The following STAB2 variants were observed in gnomAD, a reference collection of about 807,000 sequenced individuals.
STAB2 encodes stabilin-2.
STAB2 carries 288 observed loss-of-function variants against 338.1 expected under a neutral mutation model. The ratio of observed to expected loss-of-function variants is 0.85; its 90% CI spans 0.77 to 0.94. STAB2 has a LOEUF of 0.94. Among genes scored for constraint, STAB2 ranks in the 40% least tolerant of loss-of-function variants. STAB2 has a pLI of 0.00. For synonymous variants in STAB2, 1,202 were observed against 1,193.3 expected, an observed-to-expected ratio of 1.01 and a Z score of -0.15; for missense variants, 3,141 against 3,210.1, an observed-to-expected ratio of 0.98 and a Z score of 0.52.
At chr12:103,686,834 C>A (rs528040101) in intron 27 of STAB2, among the ~76,000 whole-genome samples, 1 of 152,100 alleles carries the variant, frequency 6.6e-6, no homozygotes, top group South Asian at 2.1e-4. Context: ...GCAGTTTAGC[C>A]GCCACCTCCC....
chr12:103,740,480 A>G (rs1202267881), intron 54 of STAB2, 150 bp from the exon 55 acceptor site: 5 of 989,800 alleles, frequency 5.1e-6, no homozygotes, highest in East Asian at 6.1e-5. Flanking sequence ...TAGGAAAAAT[A>G]TCACCTTGGA....
At chr12:103,688,499 T>C (rs1389573309) in intron 28 of STAB2, among the ~76,000 whole-genome samples, 2 of 152,220 alleles carry the variant, frequency 1.3e-5, no homozygotes, top group African/African-American at 4.8e-5. Flanking sequence ...ACAGGATTCT[T>C]TTTTGTAAGT....
intron 65 of STAB2, among the ~76,000 whole-genome samples, chr12:103,760,074 C>T (rs1221102707): frequency 6.6e-6 from 1 of 152,162 alleles, no homozygotes; most frequent in African/African-American, 2.4e-5. Flanking sequence ...AGATCCATTT[C>T]GTCATCTACT....
Position 103,755,639 on chromosome 12 carries a change from A to C in STAB2, c.6908A>C (p.Tyr2303Ser). 6.2e-7 allele frequency: 1 copy of C among 1,614,126 alleles called. No individual in the cohort carries two copies. Among genetic ancestry groups the C allele is most frequent in the Non-Finnish European group, 8.5e-7 (1 of 1,180,028 alleles). The change falls in exon 63 of 69, where the codon TAT (tyrosine) becomes TCT (serine). Residue 2303 changes from tyrosine (Y) to serine (S), a missense_variant. By Grantham distance (144) the Tyr-to-Ser change is moderately radical. Coordinates refer to ENST00000388887, the MANE Select transcript of STAB2 (RefSeq NM_017564.10). The stretch of plus-strand genomic sequence containing the variant: ...GTGAACTGCACCTGCAAGGTGGGCT[A>C]TGTGGGAGATGGCTTCTCATGCAGT... ...KDVNCTCKVGYVGDGFSCSGN... is the reference protein window; with the variant it reads ...KDVNCTCKVGSVGDGFSCSGN...
intron 11 of STAB2, among the ~76,000 whole-genome samples, chr12:103,652,068 C>T (rs17034268): frequency 0.011 from 1,684 of 152,286 alleles, 32 homozygotes; most frequent in African/African-American, 0.038. Context: ...GTGTTGACTA[C>T]GTAGTAATGA....
Position 103,708,580 on chromosome 12 carries a change from G to C in STAB2, c.4288+44G>C, listed in dbSNP as rs1566034888. On this transcript the variant is annotated intron_variant, in intron 39 of 68. Coordinates refer to ENST00000388887, the MANE Select transcript of STAB2 (RefSeq NM_017564.10). ...GTATTTATAATCTGCTCTAAGCTTT[G>C]CTTCTCAGCAGCTACATTTTTCTTT... 2.6e-6 allele frequency: 4 copies of C among 1,561,556 alleles called. No homozygotes were observed. In the South Asian group the frequency reaches 4.6e-5, roughly 18 times the overall value.
chr12:103,668,618 G>T, intron 19 of STAB2, 25 bp from the exon 20 acceptor site: 1 of 1,549,664 alleles, frequency 6.5e-7, no homozygotes, highest in Non-Finnish European at 8.7e-7. Context: ...TGACTGCCAT[G>T]CTTTCCCTCC....
intron 68 of STAB2, 72 bp from the exon 69 acceptor site, chr12:103,766,214 G>A: frequency 6.3e-7 from 1 of 1,589,648 alleles, no homozygotes; most frequent in Admixed American, 1.7e-5. Context: ...TCAGACCAGT[G>A]GCCACCAGAA....
At chr12:103,676,165 G>A (rs189451258) in intron 24 of STAB2, 144 bp downstream of exon 24, 57 of 524,080 alleles carry the variant, frequency 1.1e-4, no homozygotes, top group Admixed American at 5.2e-4. Flanking sequence ...GGATTCAAGC[G>A]ATTCTCCTGC....
chr12:103,735,440 CCTT>C, intron 51 of STAB2, 48 bp from the exon 52 acceptor site: 1 of 1,419,420 alleles, frequency 7.0e-7, no homozygotes, highest in Non-Finnish European at 9.6e-7. Context: ...TCGGGCCGTC[CCTT>C]CTTCGGCCCA....
rs551872769 is a variant in STAB2 at position 103,666,945 on chromosome 12, G to A, written c.2085+592G>A. 2.0e-5 allele frequency among the ~76,000 whole-genome samples: 3 copies of A among 152,326 alleles called. No individual in the cohort carries two copies. The East Asian group carries it at 5.8e-4, about 29-fold the overall frequency. On this transcript the variant is annotated intron_variant, in intron 19 of 68. Coordinates refer to ENST00000388887, the MANE Select transcript of STAB2 (RefSeq NM_017564.10). ...AAATCATTTCATTTTGCTTTTATCT[G>A]AGAAGCTCCATCTAAAAAGGAAAAC...
At chr12:103,686,425 G>A (rs764921963) in intron 27 of STAB2, among the ~76,000 whole-genome samples, 6 of 152,226 alleles carry the variant, frequency 3.9e-5, no homozygotes, top group South Asian at 2.1e-4. Context: ...CTGCTTTCAC[G>A]ACGTCCCTCT....
intron 3 of STAB2, among the ~76,000 whole-genome samples, chr12:103,601,226 T>C (rs553264933): frequency 6.6e-6 from 1 of 151,926 alleles, no homozygotes; most frequent in East Asian, 1.9e-4. Flanking sequence ...AGGGTCTACA[T>C]TGCTAAAATA....
rs544117341 is a variant in STAB2 at position 103,596,571 on chromosome 12, G to C, written c.331+2061G>C. Among the ~76,000 whole-genome samples the C allele has an allele frequency of 1.2e-4, 18 of 152,240 alleles. No individual in the cohort carries two copies. In the South Asian group the frequency reaches 3.5e-3, roughly 30 times the overall value. ...TGGCAAAGTCTATGACAAAAAGAAG[G>C]AATTTTGTAAGTGTTTAATGAATAA... On this transcript the variant is annotated intron_variant, in intron 3 of 68. Transcript: ENST00000388887.
chr12:103,671,427 G>C (rs1875776480), intron 22 of STAB2, among the ~76,000 whole-genome samples: 1 of 152,006 alleles, frequency 6.6e-6, no homozygotes, highest in Non-Finnish European at 1.5e-5. Context: ...CTCCAGCCTG[G>C]GTGACAGTGA....
intron 34 of STAB2, 109 bp from the exon 35 acceptor site, chr12:103,703,039 A>G: frequency 8.1e-7 from 1 of 1,230,042 alleles, no homozygotes; most frequent in Admixed American, 2.7e-5. Context: ...CTCCAGGTGA[A>G]TATTGTAATA....
chr12:103,725,595 T>A (rs1039860438), intron 45 of STAB2, among the ~76,000 whole-genome samples: 1 of 151,694 alleles, frequency 6.6e-6, no homozygotes, highest in African/African-American at 2.4e-5. Flanking sequence ...TGTGTGTGCA[T>A]GTGTGTACGT....
chr12:103,682,181 G>T (rs976514473), intron 25 of STAB2, among the ~76,000 whole-genome samples: 2 of 151,890 alleles, frequency 1.3e-5, no homozygotes, highest in Non-Finnish European at 1.5e-5. Flanking sequence ...GAAAAGAGGG[G>T]GGTCTCTTTG....
chr12:103,603,108 T>C (rs1285172983), intron 3 of STAB2, among the ~76,000 whole-genome samples: 2 of 152,208 alleles, frequency 1.3e-5, no homozygotes, highest in East Asian at 1.9e-4. Context: ...TCTCGCTCTG[T>C]TGCCCAGGCT....
Sources: gnomAD v4.1 joint callset for allele counts (sites outside exome capture counted in the v4.1 genomes callset) on GRCh38, gnomAD v4.1.1 for gene constraint, MANE v1.5 for transcripts, NCBI Gene and HGNC (gene_info 2026-07-23, HGNC 2026-07-21) for gene names.